The following PAIP1 variants were observed in gnomAD, a reference collection of about 807,000 sequenced individuals.
PAIP1 encodes polyadenylate-binding protein-interacting protein 1.
Under a neutral mutation model 61.3 loss-of-function variants are expected in PAIP1, and 16 were observed. The observed-to-expected ratio is 0.26, with a 90% CI of 0.18 to 0.40. The LOEUF (loss-of-function observed/expected upper bound fraction) is 0.40. Among genes scored for constraint, PAIP1 ranks in the 10% least tolerant of loss-of-function variants. The pLI is 1.00. For missense variants in PAIP1, 416 were observed against 600.9 expected (o/e 0.69, Z 3.22); for synonymous variants, 187 against 226.2 (o/e 0.83, Z 1.56).
intron 2 of PAIP1, among the ~76,000 whole-genome samples, chr5:43,548,519 T>C (rs2111577170): frequency 6.6e-6 from 1 of 152,340 alleles, no homozygotes; most frequent in Admixed American, 6.5e-5. Flanking sequence ...AGGAGACCTT[T>C]TGGCTGCTAC....
At chr5:43,529,597 G>T (rs1381324072) in intron 10 of PAIP1, among the ~76,000 whole-genome samples, 189 bp downstream of exon 10, 1 of 152,090 alleles carries the variant, frequency 6.6e-6, no homozygotes, top group Non-Finnish European at 1.5e-5. Flanking sequence ...TCGCCATGTT[G>T]GCCAGGCTGG....
chr5:43,527,367 A>C lies in PAIP1; in HGVS notation c.*9T>G, dbSNP rs567480089. The C allele has an allele frequency of 6.3e-7, 1 of 1,581,940 alleles. No homozygotes were observed. Among genetic ancestry groups the C allele is most frequent in the African/African-American group, 1.4e-5 (1 of 73,406 alleles). On this transcript the variant is annotated 3_prime_UTR_variant, in exon 11 of 11. Transcript: ENST00000306846. ...CTGCTTTATAAAACTGATATGCTGA[A>C]ATTTAACTTTACTGTTTTCGCTTAC...
In PAIP1 at chr5:43,539,031, G is replaced by C. The variant is rs752921741; in HGVS notation, c.739C>G (p.Arg247Gly). The change falls in exon 5 of 11, where the codon CGG (arginine) becomes GGG (glycine). Residue 247 changes from arginine to glycine, a missense_variant. Coordinates refer to ENST00000306846, the MANE Select transcript of PAIP1 (RefSeq NM_006451.5). ...TGATCTTTAACTTCATATTCAGTCC[G>C]ACATCTAATTAAAGACATATCTTTT... ...NFRQLLLQRC[R>G]TEYEVKDQAA... The C allele has an allele frequency of 1.3e-6, 2 of 1,573,024 alleles. No homozygotes were observed. Among genetic ancestry groups the C allele is most frequent in the South Asian group, 1.1e-5 (1 of 89,974 alleles).
chr5:43,552,462 T>C (rs144251168), intron 2 of PAIP1, among the ~76,000 whole-genome samples: 3 of 152,316 alleles, frequency 2.0e-5, no homozygotes, highest in African/African-American at 7.2e-5. Context: ...TGATAGATTC[T>C]ATGGAATAGG....
chr5:43,554,197 C>A (rs1460106297), intron 2 of PAIP1, among the ~76,000 whole-genome samples: 1 of 152,116 alleles, frequency 6.6e-6, no homozygotes, highest in Admixed American at 6.5e-5. Flanking sequence ...AGTTGATACA[C>A]GATTATTACA....
chr5:43,556,150 G>A (rs1382381151), intron 1 of PAIP1, 151 bp from the exon 2 acceptor site: 4 of 1,415,952 alleles, frequency 2.8e-6, no homozygotes, highest in Non-Finnish European at 3.7e-6. Flanking sequence ...AATGTGTACA[G>A]ACAGCCTACA....
intron 9 of PAIP1, among the ~76,000 whole-genome samples, chr5:43,532,930 T>C (rs1017660404): frequency 2.0e-5 from 3 of 152,174 alleles, no homozygotes; most frequent in Admixed American, 1.3e-4. Flanking sequence ...GGACAAAAAT[T>C]AAGTTTAATA....
rs541664216 is a variant in PAIP1, at chr5:43,531,137, G to C, written c.1253-1258C>G. On this transcript the variant is annotated intron_variant, in intron 9 of 10. Coordinates refer to ENST00000306846, the MANE Select transcript of PAIP1 (RefSeq NM_006451.5). ...GCACTTTGTAGAAATTGGTGCCCCA[G>C]AGAATTTTTAACAATGGGCCTGCAC... 5.3e-5 allele frequency among the ~76,000 whole-genome samples: 8 copies of C among 152,184 alleles called. No individual in the cohort carries two copies. In the East Asian group the frequency reaches 1.5e-3, roughly 29 times the overall value.
At chr5:43,556,073 C>A (rs1748050860) in intron 1 of PAIP1, 74 bp from the exon 2 acceptor site, 1 of 1,519,270 alleles carries the variant, frequency 6.6e-7, no homozygotes, top group Non-Finnish European at 8.9e-7. Context: ...TACTGAAAAA[C>A]CATCTGAAAA....
At chr5:43,536,233 C>G (rs946353996) in intron 6 of PAIP1, among the ~76,000 whole-genome samples, 1 of 152,110 alleles carries the variant, frequency 6.6e-6, no homozygotes, top group African/African-American at 2.4e-5. Context: ...CATTACTTGT[C>G]GTAAAATACA....
At chr5:43,553,907 G>C (rs1747961219) in intron 2 of PAIP1, among the ~76,000 whole-genome samples, 1 of 152,096 alleles carries the variant, frequency 6.6e-6, no homozygotes, top group Non-Finnish European at 1.5e-5. Flanking sequence ...TGACAAACCA[G>C]AACATTCAAG....
At position 43,544,934 on chromosome 5, in the gene PAIP1, C is replaced by A. The variant is rs371761589; in HGVS notation, c.622-1818G>T. 3.1e-4 allele frequency among the ~76,000 whole-genome samples: 47 copies of A among 152,288 alleles called. No individual in the cohort carries two copies. In the East Asian group the frequency reaches 5.2e-3, roughly 17 times the overall value. The stretch of plus-strand genomic sequence containing the variant: ...ACGGGATACTCAACTTACAGTTTCC[C>A]ATCATGGAAGATGAGCTTTTAGCTT... On this transcript the variant is annotated intron_variant, in intron 3 of 10. Transcript: ENST00000306846.
Position 43,556,625 on chromosome 5 carries a change from G to T in PAIP1, c.222C>A (p.Val74=). Reference sequence around the variant, plus strand: ...GGGAAGGCCGCTGGGGGCTGGCGGGGACCTCGCACTGGGCCCCTGGCGGCG... The same window carrying T: ...GGGAAGGCCGCTGGGGGCTGGCGGGTACCTCGCACTGGGCCCCTGGCGGCG... ...TTPPPGAQCE[V]PASPQRPSRP... is the part of the protein sequence containing the mutation. The change falls in exon 1 of 11, where the codon GTC becomes GTA. Residue 74 remains valine (V), a synonymous_variant. Transcript: ENST00000306846. 1.6e-6 allele frequency: 2 copies of T among 1,259,684 alleles called. No individual in the cohort carries two copies. Among genetic ancestry groups the T allele is most frequent in the South Asian group, 3.5e-5 (1 of 28,910 alleles). The allele number at this position is 1,259,684 out of a possible 1,614,324, so 78.0% of individuals were successfully genotyped here. A position where few individuals can be genotyped will look rare whatever the true frequency, so the allele number is the denominator to read the frequency against.
intron 8 of PAIP1, 90 bp downstream of exon 8, chr5:43,534,763 G>T: frequency 1.3e-6 from 1 of 747,296 alleles, no homozygotes; most frequent in Non-Finnish European, 2.4e-6. Context: ...ATTAGGCACT[G>T]AATTCTGAGA....
upstream of PAIP1, chr5:43,557,104 G>C: frequency 1.7e-6 from 1 of 573,046 alleles, no homozygotes; most frequent in Non-Finnish European, 2.5e-6. Context: ...CCGGCTCCCC[G>C]CCTTCGGCGC....
chr5:43,533,861 A>T, intron 8 of PAIP1, 69 bp from the exon 9 acceptor site: 2 of 931,198 alleles, frequency 2.1e-6, no homozygotes, highest in South Asian at 2.6e-5. Flanking sequence ...ACAATAATGA[A>T]GCATGGCTGA....
chr5:43,548,703 A>C (rs1384844020), intron 2 of PAIP1, among the ~76,000 whole-genome samples: 1 of 152,224 alleles, frequency 6.6e-6, no homozygotes, highest in Non-Finnish European at 1.5e-5. Context: ...AATGCCTGGA[A>C]TACCACCCGA....
At chr5:43,548,422 A>G (rs931748331) in intron 2 of PAIP1, among the ~76,000 whole-genome samples, 2 of 152,176 alleles carry the variant, frequency 1.3e-5, no homozygotes, top group African/African-American at 2.4e-5. Context: ...CAAAAACCTA[A>G]TAAGGTTTAT....
rs1198670780 is a variant in PAIP1, at chr5:43,531,675, A to G, written c.1253-1796T>C. 1.5e-5 allele frequency among the ~76,000 whole-genome samples: 2 copies of G among 136,428 alleles called. 1 individual carries two copies. The highest frequency in any genetic ancestry group is 1.5e-4 in the Admixed American group (2 of 13,552). 89.5% of individuals were successfully genotyped at this position (136,428 alleles called of 152,430 possible). ...CTGTCTCAAAAAAAAAAAAAAAAAAAAAGAGAAAAAAAGAAAAGTGTGTGG... is the reference window on the plus strand; with the variant it reads ...CTGTCTCAAAAAAAAAAAAAAAAAAGAAGAGAAAAAAAGAAAAGTGTGTGG... On this transcript the variant is annotated intron_variant, in intron 9 of 10. Transcript: ENST00000306846.
Sources: allele counts gnomAD v4.1 joint callset (sites outside exome capture counted in the v4.1 genomes callset), GRCh38; gene constraint gnomAD v4.1.1; transcripts MANE v1.5; gene names NCBI Gene and HGNC (gene_info 2026-07-23, HGNC 2026-07-21).